The following USO1 variants were observed in gnomAD, a reference collection of about 807,000 sequenced individuals.
USO1 encodes the protein general vesicular transport factor p115.
In USO1, 57 loss-of-function variants were observed where a neutral mutation model predicts 124.5. That is an observed-to-expected ratio of 0.46 (90% confidence interval 0.37 to 0.57). The LOEUF is 0.57. Ranked by LOEUF, USO1 falls within the 20% of genes least tolerant of loss-of-function variation. The pLI, the probability that USO1 is intolerant of heterozygous loss-of-function variation, is 0.00. For missense variants in USO1, 900 were observed against 1,040.6 expected, an observed-to-expected ratio of 0.86 and a Z score of 1.86; for synonymous variants, 369 against 362.8, an observed-to-expected ratio of 1.02 and a Z score of -0.19.
intron 12 of USO1, among the ~76,000 whole-genome samples, chr4:75,792,720 T>C (rs1722566800): frequency 6.6e-6 from 1 of 151,908 alleles, no homozygotes; most frequent in African/African-American, 2.4e-5. Context: ...AAATAAAATA[T>C]ACACTTATTT....
chr4:75,763,350 T>C (rs1721677091), intron 4 of USO1, among the ~76,000 whole-genome samples: 1 of 152,190 alleles, frequency 6.6e-6, no homozygotes, highest in East Asian at 1.9e-4. Flanking sequence ...CATACAACCA[T>C]TCTGTTTTTT....
At position 75,790,497 on chromosome 4, in the gene USO1, TAC is replaced by T. The variant is rs1052155834; in HGVS notation, c.1086-144_1086-143del. On this transcript the variant is annotated intron_variant, in intron 11 of 23. Coordinates refer to ENST00000514213, the MANE Select transcript of USO1 (RefSeq NM_003715.4). ...AAGCAGTCACTTCACTTCTGTCAGT[TAC>T]AGTTTTCTGTGAAATAGAGATGGAA... 3.2e-4 allele frequency: 415 copies of T among 1,311,816 alleles called. 1 individual carries two copies. The highest frequency in any genetic ancestry group is 7.9e-4 in the Middle Eastern group (3 of 3,818). 81.3% of individuals were successfully genotyped at this position (1,311,816 alleles called of 1,614,324 possible). A position where few individuals can be genotyped will look rare whatever the true frequency, so the allele number is the denominator to read the frequency against.
intron 23 of USO1, among the ~76,000 whole-genome samples, chr4:75,812,817 G>C (rs904021896): frequency 7.2e-5 from 11 of 152,062 alleles, no homozygotes; most frequent in African/African-American, 2.4e-4. Flanking sequence ...GTAGTTACTA[G>C]AATACAAAAT....
intron 1 of USO1, among the ~76,000 whole-genome samples, chr4:75,739,128 A>T (rs953632580): frequency 6.6e-6 from 1 of 152,214 alleles, no homozygotes; most frequent in African/African-American, 2.4e-5. Flanking sequence ...CTGAGATTAC[A>T]GGCGTGAGCC....
At position 75,724,791 on chromosome 4, in the gene USO1, G is replaced by A. The variant is rs769300822; in HGVS notation, c.-29G>A. 5.6e-6 allele frequency: 9 copies of A among 1,612,910 alleles called. No homozygotes were observed. The African/African-American group carries it at 1.1e-4, about 19-fold the overall frequency. ...GTTGTCTTCTTTTTTTTCCGGAGGG[G>A]CCGGTAAACCTGGTGGCTGAACGGC... On this transcript the variant is annotated 5_prime_UTR_variant, in exon 1 of 24. Coordinates refer to ENST00000514213, the MANE Select transcript of USO1 (RefSeq NM_003715.4).
chr4:75,799,935 T>C (rs2149188749), intron 14 of USO1, among the ~76,000 whole-genome samples: 1 of 151,896 alleles, frequency 6.6e-6, no homozygotes, highest in East Asian at 1.9e-4. Flanking sequence ...TTGGAATATA[T>C]ATATGAAATT....
Position 75,778,999 on chromosome 4 carries a change from C to G in USO1, c.677-3681C>G, listed in dbSNP as rs549729895. ...AACAGCACGCCCTCACTTCATGTCT[C>G]TGTCACAATTAATATTTCAAAAGTT... On this transcript the variant is annotated intron_variant, in intron 8 of 23. Coordinates refer to ENST00000514213, the MANE Select transcript of USO1 (RefSeq NM_003715.4). Among the ~76,000 whole-genome samples the G allele has an allele frequency of 2.6e-5, 4 of 152,286 alleles. No individual in the cohort carries two copies. The South Asian group carries it at 8.3e-4, about 32-fold the overall frequency.
At chr4:75,774,588 C>T in intron 7 of USO1, 88 bp from the exon 8 acceptor site, 1 of 1,460,920 alleles carries the variant, frequency 6.8e-7, no homozygotes, top group Non-Finnish European at 9.1e-7. Flanking sequence ...AAATCTCTGC[C>T]AGTTCTAAAA....
Position 75,782,816 on chromosome 4 carries a change from C to T in USO1, c.813C>T (p.Gly271=). 6.2e-7 allele frequency: 1 copy of T among 1,607,040 alleles called. No homozygotes were observed. The highest frequency in any genetic ancestry group is 8.5e-7 in the Non-Finnish European group (1 of 1,177,982). ...PWFEVGDENS[G]WSAQKVTNLH... The stretch of plus-strand genomic sequence containing the variant: ...TTGAAGTTGGAGATGAAAATTCTGG[C>T]TGGTCTGCACAGAAAGTGACCAATC... Residue 271 remains glycine, a synonymous_variant, in exon 9 of 24, where the codon GGC becomes GGT. Coordinates refer to ENST00000514213, the MANE Select transcript of USO1 (RefSeq NM_003715.4).
chr4:75,778,693 G>A (rs1177911441), intron 8 of USO1, among the ~76,000 whole-genome samples: 1 of 152,172 alleles, frequency 6.6e-6, no homozygotes, highest in Non-Finnish European at 1.5e-5. Context: ...TACTGTAATG[G>A]TGGAGACAAG....
At chr4:75,743,250 G>A (rs989206087) in intron 1 of USO1, among the ~76,000 whole-genome samples, 2 of 152,180 alleles carry the variant, frequency 1.3e-5, no homozygotes, top group Admixed American at 6.5e-5. Flanking sequence ...CTCCCAAAGT[G>A]CTGGGATTAC....
intron 1 of USO1, 93 bp downstream of exon 1, chr4:75,724,978 C>A: frequency 1.4e-6 from 2 of 1,402,164 alleles, no homozygotes; most frequent in South Asian, 1.2e-5. Flanking sequence ...TCCAGCGTCC[C>A]ACCATGGAGG....
chr4:75,794,011 T>G, intron 13 of USO1, 110 bp downstream of exon 13: 2 of 1,447,214 alleles, frequency 1.4e-6, no homozygotes, highest in Admixed American at 5.1e-5. Context: ...AGACTTATTC[T>G]GTTTATTAGT....
chr4:75,766,891 AG>A (rs1357535364), intron 4 of USO1, among the ~76,000 whole-genome samples: 1 of 152,220 alleles, frequency 6.6e-6, no homozygotes, highest in Non-Finnish European at 1.5e-5. Context: ...TACTCAGGAA[AG>A]TATTTAACTA....
chr4:75,758,861 T>A (rs1385214409), intron 4 of USO1, among the ~76,000 whole-genome samples: 2 of 152,216 alleles, frequency 1.3e-5, no homozygotes, highest in African/African-American at 4.8e-5. Context: ...TGACAATACA[T>A]AGATACAATA....
In USO1 at chr4:75,789,963, AG is replaced by A. The variant is rs531703708; in HGVS notation, c.997-186del. On this transcript the variant is annotated intron_variant, in intron 10 of 23. Transcript: ENST00000514213. Reference sequence around the variant, plus strand: ...TGTGCCTGAATTTTGGCACTTAAAAAGTGGGATATAAGATTTTTTTTCATGT... The same window carrying A: ...TGTGCCTGAATTTTGGCACTTAAAAATGGGATATAAGATTTTTTTTCATGT... Among the ~76,000 whole-genome samples, 39 of 152,082 alleles carry A rather than the reference AG, an allele frequency of 2.6e-4. 2 individuals are homozygous for A. In the South Asian group the frequency reaches 8.1e-3, roughly 31 times the overall value.
At chr4:75,749,998 C>T (rs928803441) in intron 1 of USO1, among the ~76,000 whole-genome samples, 11 of 152,144 alleles carry the variant, frequency 7.2e-5, no homozygotes, top group African/African-American at 2.7e-4. Flanking sequence ...CGTGATCCAC[C>T]CACCTCAGCC....
At chr4:75,795,187 T>C (rs1350139937) in intron 13 of USO1, 3 of 583,068 alleles carry the variant, frequency 5.1e-6, no homozygotes, top group East Asian at 2.9e-5. Context: ...TTTTATTGTA[T>C]AAAAGAAGTA....
At chr4:75,772,026 G>A (rs542408436) in intron 7 of USO1, among the ~76,000 whole-genome samples, 20 of 152,194 alleles carry the variant, frequency 1.3e-4, no homozygotes, top group South Asian at 1.0e-3. Flanking sequence ...GGTATTGGCC[G>A]TGTGACTTTT....
Sources: allele counts gnomAD v4.1 joint callset (sites outside exome capture counted in the v4.1 genomes callset), GRCh38; gene constraint gnomAD v4.1.1; transcripts MANE v1.5; gene names NCBI Gene and HGNC (gene_info 2026-07-23, HGNC 2026-07-21).